The following LHFPL3 variants were observed in gnomAD, a reference collection of about 807,000 sequenced individuals.
LHFPL3 encodes LHFPL tetraspan subfamily member 3 protein.
LHFPL3 carries 5 observed loss-of-function variants against 19.3 expected under a neutral mutation model. The observed-to-expected ratio is 0.26, with a 90% confidence interval of 0.14 to 0.54. The LOEUF (loss-of-function observed/expected upper bound fraction) is 0.54, where lower values mean the gene tolerates loss of function less well. LHFPL3 is among the 20% of genes least tolerant of loss of function. The pLI is 0.94. For missense variants in LHFPL3, 249 were observed against 307.4 expected (o/e 0.81, Z 1.42); for synonymous variants, 133 against 126.2 (o/e 1.05, Z -0.36).
At chr7:104,356,919 G>A (rs1007536967) in intron 1 of LHFPL3, among the ~76,000 whole-genome samples, 2 of 152,212 alleles carry the variant, frequency 1.3e-5, no homozygotes, top group East Asian at 1.9e-4. Context: ...AGCGAGCACT[G>A]CTGCCTGAGC....
intron 1 of LHFPL3, among the ~76,000 whole-genome samples, chr7:104,415,714 C>T (rs1791607571): frequency 6.6e-6 from 1 of 152,150 alleles, no homozygotes; most frequent in Admixed American, 6.5e-5. Flanking sequence ...TTTTGTACTT[C>T]TAAATAGTTA....
intron 1 of LHFPL3, among the ~76,000 whole-genome samples, chr7:104,408,703 A>G (rs1430184359): frequency 3.3e-5 from 5 of 152,162 alleles, no homozygotes; most frequent in South Asian, 2.1e-4. Context: ...CCACATGCCA[A>G]TGCTGAACTG....
chr7:104,636,108 T>C (rs1275533018), intron 1 of LHFPL3, among the ~76,000 whole-genome samples: 1 of 152,184 alleles, frequency 6.6e-6, no homozygotes, highest in African/African-American at 2.4e-5. Context: ...GTCTTTATAA[T>C]GAAAACACTG....
chr7:104,498,209 C>T (rs186360742), intron 1 of LHFPL3, among the ~76,000 whole-genome samples: 6 of 152,034 alleles, frequency 3.9e-5, no homozygotes, highest in South Asian at 2.1e-4. Flanking sequence ...ACTCATGGTG[C>T]TACAAAATGC....
chr7:104,508,268 A>G (rs1355682821), intron 1 of LHFPL3, among the ~76,000 whole-genome samples: 1 of 151,988 alleles, frequency 6.6e-6, no homozygotes, highest in Non-Finnish European at 1.5e-5. Flanking sequence ...ACCATGGAAT[A>G]CTATGCAGCC....
chr7:104,333,776 T>C (rs1801612438), intron 1 of LHFPL3, among the ~76,000 whole-genome samples: 1 of 152,246 alleles, frequency 6.6e-6, no homozygotes, highest in Non-Finnish European at 1.5e-5. Flanking sequence ...CATTTGAAAT[T>C]ACAGCACATT....
chr7:104,395,534 ACT>A (rs1791165387), intron 1 of LHFPL3, among the ~76,000 whole-genome samples: 1 of 152,084 alleles, frequency 6.6e-6, no homozygotes, highest in Admixed American at 6.6e-5. Flanking sequence ...CCCCAGAGAC[ACT>A]CTCCATAATT....
At chr7:104,556,405 G>T (rs1299605914) in intron 1 of LHFPL3, among the ~76,000 whole-genome samples, 1 of 152,174 alleles carries the variant, frequency 6.6e-6, no homozygotes, top group Non-Finnish European at 1.5e-5. Context: ...GCACCCACAG[G>T]CTCAATACCA....
At chr7:104,465,421 C>A (rs534821699) in intron 1 of LHFPL3, among the ~76,000 whole-genome samples, 1 of 152,172 alleles carries the variant, frequency 6.6e-6, no homozygotes, top group African/African-American at 2.4e-5. Flanking sequence ...GCACCCCACT[C>A]TCTGCAGTAC....
chr7:104,546,052 A>G (rs1385585240), intron 1 of LHFPL3, among the ~76,000 whole-genome samples: 1 of 152,206 alleles, frequency 6.6e-6, no homozygotes, highest in Non-Finnish European at 1.5e-5. Flanking sequence ...AAAAAAATGG[A>G]GGAAATTCTG....
chr7:104,472,784 A>G (rs6961457), intron 1 of LHFPL3, among the ~76,000 whole-genome samples: 85,375 of 151,958 alleles, frequency 0.56, 24,459 homozygotes, highest in African/African-American at 0.62. Flanking sequence ...CCTATTCAGT[A>G]TCATTACATT....
At chr7:104,796,257 C>T (rs1300015519) in intron 2 of LHFPL3, among the ~76,000 whole-genome samples, 2 of 152,086 alleles carry the variant, frequency 1.3e-5, no homozygotes, top group Non-Finnish European at 2.9e-5. Flanking sequence ...AGTGTGTGAC[C>T]GGGGGGCTGG....
chr7:104,465,409 C>T (rs773438079), intron 1 of LHFPL3, among the ~76,000 whole-genome samples: 1 of 152,170 alleles, frequency 6.6e-6, no homozygotes, highest in African/African-American at 2.4e-5. Context: ...ATTTTTACAG[C>T]AGCACCCCAC....
At chr7:104,864,220 A>G (rs1791672240) in intron 2 of LHFPL3, among the ~76,000 whole-genome samples, 2 of 152,288 alleles carry the variant, frequency 1.3e-5, no homozygotes, top group South Asian at 2.1e-4. Context: ...TGCATTTCCA[A>G]CTGAGGTACT....
intron 2 of LHFPL3, among the ~76,000 whole-genome samples, chr7:104,830,812 G>A (rs1790937243): frequency 6.6e-6 from 1 of 151,900 alleles, no homozygotes; most frequent in African/African-American, 2.4e-5. Context: ...ACTTGGCGAT[G>A]CAGGCTGTTT....
At chr7:104,891,236 CAG>C (rs1482601780) in intron 2 of LHFPL3, among the ~76,000 whole-genome samples, 1 of 151,986 alleles carries the variant, frequency 6.6e-6, no homozygotes, top group Non-Finnish European at 1.5e-5. Flanking sequence ...ACAATCACAG[CAG>C]ATTCAGAGAG....
chr7:104,634,495 G>A (rs1489735666), intron 1 of LHFPL3, among the ~76,000 whole-genome samples: 1 of 152,146 alleles, frequency 6.6e-6, no homozygotes, highest in Non-Finnish European at 1.5e-5. Flanking sequence ...TAGGGGTTGA[G>A]GCTTCAACAT....
intron 2 of LHFPL3, among the ~76,000 whole-genome samples, chr7:104,758,958 G>A (rs954842720): frequency 6.6e-6 from 1 of 152,186 alleles, no homozygotes; most frequent in African/African-American, 2.4e-5. Context: ...ATAAGAAATT[G>A]TCATTTGAGA....
chr7:104,686,049 A>C (rs1792798422), intron 1 of LHFPL3, among the ~76,000 whole-genome samples: 1 of 152,226 alleles, frequency 6.6e-6, no homozygotes, highest in Admixed American at 6.5e-5. Flanking sequence ...CTCTGGCATA[A>C]AGCAAAATAT....
Sources: allele counts gnomAD v4.1 joint callset (sites outside exome capture counted in the v4.1 genomes callset), GRCh38; gene constraint gnomAD v4.1.1; transcripts MANE v1.5; gene names NCBI Gene and HGNC (gene_info 2026-07-23, HGNC 2026-07-21).